WBP2: variants seen among roughly 807,000 people sequenced by gnomAD.
WBP2 encodes the protein WW domain-binding protein 2.
Under a neutral mutation model 33.0 loss-of-function variants are expected in WBP2, and 23 were observed. The ratio of observed to expected loss-of-function variants is 0.70; its 90% confidence interval spans 0.50 to 0.99. The LOEUF is 0.99. Ranked by LOEUF, WBP2 falls within the 50% of genes least tolerant of loss-of-function variation. The pLI is 0.00. For missense variants in WBP2, 353 were observed against 358.0 expected, an observed-to-expected ratio of 0.99 and a Z score of 0.11; for synonymous variants, 153 against 133.5, an observed-to-expected ratio of 1.15 and a Z score of -1.01.
chr17:75,848,004 A>G (rs1019181958), intron 4 of WBP2, 74 bp from the exon 5 acceptor site: 1 of 1,532,366 alleles, frequency 6.5e-7, no homozygotes, highest in Non-Finnish European at 8.8e-7. Context: ...CGCTGCCTGC[A>G]GATGGGAGCT....
intron 1 of WBP2, chr17:75,851,896 G>A (rs1163112389): frequency 5.7e-6 from 2 of 353,262 alleles, no homozygotes; most frequent in East Asian, 1.2e-4. Flanking sequence ...CTGGTCAGGA[G>A]TTTGAGACCA....
At chr17:75,852,971 G>A (rs2143932536) in intron 1 of WBP2, among the ~76,000 whole-genome samples, 1 of 152,268 alleles carries the variant, frequency 6.6e-6, no homozygotes, top group East Asian at 1.9e-4. Context: ...CATTTTTCTG[G>A]GAGGAGAGTC....
At chr17:75,847,113 G>A in intron 6 of WBP2, 129 bp from the exon 7 acceptor site, 4 of 1,039,598 alleles carry the variant, frequency 3.8e-6, no homozygotes, top group Non-Finnish European at 4.3e-6. Flanking sequence ...GAGAGCAGCA[G>A]GTGAGGTTTC....
intron 4 of WBP2, chr17:75,848,312 G>A (rs1469528961): frequency 3.4e-6 from 2 of 591,858 alleles, no homozygotes; most frequent in Non-Finnish European, 6.0e-6. Context: ...TGAGGCCATA[G>A]TAAAGTGTCC....
In WBP2 at chr17:75,846,736, A is replaced by G; in HGVS notation, c.784T>C (p.Ter262GlnextTer195). Reference sequence around the variant, plus strand: ...GGGAGGCAGGGAGGCAGGAGGGCCTACTGGGTCTTCTTATCTTCCGGTGGG... The same window carrying G: ...GGGAGGCAGGGAGGCAGGAGGGCCTGCTGGGTCTTCTTATCTTCCGGTGGG... ...YYPPEDKKTQ[*>Q] Residue 262 changes from the stop codon to glutamine, a stop_lost, in exon 8 of 8, where the codon TAG becomes CAG. Transcript: ENST00000254806. This position sits in a 1 kb window ranked among gnomAD's most constrained non-coding sequence, Gnocchi z 4.8. The G allele has an allele frequency of 6.6e-7, 1 of 1,523,826 alleles. No individual in the cohort carries two copies. Among genetic ancestry groups the G allele is most frequent in the Non-Finnish European group, 8.8e-7 (1 of 1,133,416 alleles). The allele number at this position is 1,523,826 out of a possible 1,614,324, so 94.4% of individuals were successfully genotyped here. A position where few individuals can be genotyped will look rare whatever the true frequency, so the allele number is the denominator to read the frequency against.
At chr17:75,856,406 T>A (rs1390819008), upstream of WBP2, 1 of 152,282 alleles carries the variant, frequency 6.6e-6, no homozygotes, top group Non-Finnish European at 1.5e-5. Context: ...TAGATCCACC[T>A]GCTTGACTTC....
chr17:75,854,670 T>G (rs2065047026), intron 1 of WBP2, among the ~76,000 whole-genome samples: 1 of 152,206 alleles, frequency 6.6e-6, no homozygotes, highest in Non-Finnish European at 1.5e-5. Flanking sequence ...TGGAACATAC[T>G]GGAAGCCTGT....
rs370952739 is a variant in WBP2, at chr17:75,846,983, G to C, written c.657C>G (p.Ala219=). 1 of 1,613,870 alleles carries C rather than the reference G, an allele frequency of 6.2e-7. No homozygotes were observed. The highest frequency in any genetic ancestry group is 8.5e-7 in the Non-Finnish European group (1 of 1,179,994). ...SGPDVPSTPA[A]EAKAAEAAAS... ...CGGCTGCTTCTGCGGCCTTGGCTTCGGCTGTGAGAGCAAACACACCTGGTG... is the reference window on the plus strand; with the variant it reads ...CGGCTGCTTCTGCGGCCTTGGCTTCCGCTGTGAGAGCAAACACACCTGGTG... The change falls in exon 7 of 8, where the codon GCC becomes GCG. Residue 219 remains alanine, a splice_region_variant and synonymous_variant. Coordinates refer to ENST00000254806, the MANE Select transcript of WBP2 (RefSeq NM_012478.4). This position sits in a 1 kb window ranked among gnomAD's most constrained non-coding sequence, Gnocchi z 4.8.
Position 75,849,859 on chromosome 17 carries a change from GCTCT to G in WBP2, c.169-124_169-121del, listed in dbSNP as rs2065017128. On this transcript the variant is annotated intron_variant, in intron 2 of 7. Transcript: ENST00000254806. ...AGTGCCAGGGTCCAGCAGCCCCATG[GCTCT>G]CTCTGTGCCAGACACTCCTGGAGAG... 1.5e-5 allele frequency: 20 copies of G among 1,372,970 alleles called. No individual in the cohort carries two copies. The South Asian group carries it at 2.6e-4, about 18-fold the overall frequency. 85.0% of individuals were successfully genotyped at this position (1,372,970 alleles called of 1,614,324 possible).
chr17:75,854,590 A>G (rs1371198890), intron 1 of WBP2, among the ~76,000 whole-genome samples: 3 of 152,158 alleles, frequency 2.0e-5, no homozygotes. Context: ...ACTGTTAGAC[A>G]CCTGACAAAC....
chr17:75,852,821 C>T, intron 1 of WBP2: 2 of 983,244 alleles, frequency 2.0e-6, no homozygotes, highest in Non-Finnish European at 2.4e-6. Context: ...TTTTTCAAGC[C>T]TAAAATATAA....
At chr17:75,848,019 G>A in intron 4 of WBP2, 89 bp from the exon 5 acceptor site, 6 of 1,508,508 alleles carry the variant, frequency 4.0e-6, no homozygotes, top group Non-Finnish European at 5.4e-6. Context: ...GGAGCTACTG[G>A]GTCTCAGGAA....
At chr17:75,853,052 T>C (rs529139786) in intron 1 of WBP2, among the ~76,000 whole-genome samples, 4 of 152,178 alleles carry the variant, frequency 2.6e-5, no homozygotes, top group Non-Finnish European at 4.4e-5. Context: ...TTATAATTTT[T>C]TATTTTTTTG....
chr17:75,851,048 T>C (rs2065024688), intron 2 of WBP2, among the ~76,000 whole-genome samples: 1 of 152,144 alleles, frequency 6.6e-6, no homozygotes, highest in African/African-American at 2.4e-5. Context: ...TCCAAGAACA[T>C]CCATTTGTAT....
At chr17:75,856,043 C>A (rs1016114874), upstream of WBP2, among the ~76,000 whole-genome samples, 2 of 152,250 alleles carry the variant, frequency 1.3e-5, no homozygotes, top group African/African-American at 2.4e-5. Context: ...TCGCAGCCCC[C>A]TCTCCGGCCT....
rs772767811 is a variant in WBP2, at chr17:75,846,953, G to A, written c.687C>T (p.Ser229=). The change falls in exon 7 of 8, where the codon AGC becomes AGT. Residue 229 remains serine (S), a synonymous_variant. Coordinates refer to ENST00000254806, the MANE Select transcript of WBP2 (RefSeq NM_012478.4). This position sits in a 1 kb window ranked among gnomAD's most constrained non-coding sequence, Gnocchi z 4.8. ...GAGGATTGCCTGGGTTGTAATAGGC[G>A]CTGGCGGCTGCTTCTGCGGCCTTGG... ...AEAKAAEAAA[S]AYYNPGNPHN... is the part of the protein sequence containing the mutation. 1.5e-5 allele frequency: 25 copies of A among 1,614,120 alleles called. No homozygotes were observed. Among genetic ancestry groups the A allele is most frequent in the Middle Eastern group, 3.3e-4 (2 of 6,062 alleles).
At chr17:75,847,656 G>GC in intron 5 of WBP2, 47 bp from the exon 6 acceptor site, 2 of 1,610,964 alleles carry the variant, frequency 1.2e-6, no homozygotes, top group Non-Finnish European at 1.7e-6. Flanking sequence ...CCCGGCTGCG[G>GC]CCCCCTCCCG....
At chr17:75,856,073 C>G (rs541410587), upstream of WBP2, among the ~76,000 whole-genome samples, 70 of 152,210 alleles carry the variant, frequency 4.6e-4, no homozygotes, top group East Asian at 1.9e-3. Flanking sequence ...GCCGCTCCCC[C>G]CTTAGCGCCC....
At chr17:75,850,208 G>C (rs142777629) in intron 2 of WBP2, among the ~76,000 whole-genome samples, 1 of 152,068 alleles carries the variant, frequency 6.6e-6, no homozygotes, top group Non-Finnish European at 1.5e-5. Context: ...CCTGGAGCCT[G>C]TGCCTGGAGA....
Sources: gnomAD v4.1 joint callset for allele counts (sites outside exome capture counted in the v4.1 genomes callset) on GRCh38, gnomAD v4.1.1 for gene constraint, Gnocchi (gnomAD v3.1) non-coding constraint, MANE v1.5 for transcripts, NCBI Gene and HGNC (gene_info 2026-07-23, HGNC 2026-07-21) for gene names.